EVPL: variants seen among roughly 807,000 people sequenced by gnomAD.
EVPL encodes the protein 210 kDa cornified envelope precursor protein.
A neutral mutation model predicts 129.7 loss-of-function variants in EVPL; 94 were observed. That is an observed-to-expected ratio of 0.72 (90% CI 0.61 to 0.86). The LOEUF is 0.86. Ranked by LOEUF, EVPL falls within the 40% of genes least tolerant of loss-of-function variation. The pLI, the probability that EVPL is intolerant of heterozygous loss-of-function variation, is 0.00. For missense variants in EVPL, 2,625 were observed against 2,721.1 expected, an observed-to-expected ratio of 0.96 and a Z score of 0.79; for synonymous variants, 1,172 against 1,191.1, an observed-to-expected ratio of 0.98 and a Z score of 0.33.
At position 76,015,011 on chromosome 17, in the gene EVPL, G is replaced by A; in HGVS notation, c.2127C>T (p.Asn709=). ...GCAGGTCTTGGCAGAACTCCTGGAA[G>A]TTGTTCTGCAGGGCAGCGCATGCGT... ...SEHACAALQN[N]FQEFCQDLPR... Residue 709 remains asparagine, a synonymous_variant, in exon 17 of 22, where the codon AAC becomes AAT. Transcript: ENST00000301607. 1 of 1,596,534 alleles carries A rather than the reference G, an allele frequency of 6.3e-7. No individual in the cohort carries two copies. The highest frequency in any genetic ancestry group is 8.5e-7 in the Non-Finnish European group (1 of 1,176,896).
intron 1 of EVPL, among the ~76,000 whole-genome samples, chr17:76,026,104 G>A (rs1235921298): frequency 6.6e-6 from 1 of 152,052 alleles, no homozygotes; most frequent in African/African-American, 2.4e-5. Flanking sequence ...ACTACATCCA[G>A]ATAATTTTTG....
Position 76,008,405 on chromosome 17 carries a change from C to T in EVPL, c.4800G>A (p.Arg1600=). 6.3e-7 allele frequency: 1 copy of T among 1,594,152 alleles called. No individual in the cohort carries two copies. Among genetic ancestry groups the T allele is most frequent in the Non-Finnish European group, 8.5e-7 (1 of 1,176,096 alleles). The change falls in exon 22 of 22, where the codon CGG becomes CGA. Residue 1600 remains arginine (R), a synonymous_variant. Transcript: ENST00000301607. This position sits in a 1 kb window ranked among gnomAD's most constrained non-coding sequence, Gnocchi z 7.4. The part of the protein sequence containing the change: ...QECGRLQQEL[R]ALERQKQQQT... ...GCTGCTGCTTCTGCCTCTCCAGAGC[C>T]CGCAGCTCCTGCTGCAGCCGCCCAC...
In EVPL at chr17:76,008,590, C is replaced by T. The variant is rs147437042; in HGVS notation, c.4615G>A (p.Val1539Met). The T allele has an allele frequency of 6.8e-6, 11 of 1,611,224 alleles. No homozygotes were observed. Among genetic ancestry groups the T allele is most frequent in the South Asian group, 1.1e-5 (1 of 91,094 alleles). ...DRVLEDERAR[V>M]WEMLNRERTA... ...CGCTCCCTGTTGAGCATCTCCCACA[C>T]GCGGGCCCGCTCATCTTCCAGGACG... is the stretch of plus-strand genomic sequence containing the variant. Residue 1539 changes from valine to methionine, a missense_variant, in exon 22 of 22, where the codon GTG becomes ATG. Physicochemically the swap from Val to Met is conservative, Grantham distance 21. Coordinates refer to ENST00000301607, the MANE Select transcript of EVPL (RefSeq NM_001988.4). The surrounding 1 kb of genome is among the most constrained non-coding windows in gnomAD (Gnocchi z 7.4).
chr17:76,024,935 C>A lies in EVPL; in HGVS notation c.99-815G>T, dbSNP rs948112181. 1.3e-5 allele frequency among the ~76,000 whole-genome samples: 2 copies of A among 152,172 alleles called. No homozygotes were observed. The highest frequency in any genetic ancestry group is 2.9e-5 in the Non-Finnish European group (2 of 68,022). The stretch of plus-strand genomic sequence containing the variant: ...GGCAGATTGGTCCAAGCCTTATGAG[C>A]ACAGTGCCTTATGGGGGATCATTAT... On this transcript the variant is annotated intron_variant, in intron 1 of 21. Transcript: ENST00000301607. This position sits in a 1 kb window ranked among gnomAD's most constrained non-coding sequence, Gnocchi z 4.5.
In EVPL at chr17:76,022,298, G is replaced by A. The variant is rs1598244525; in HGVS notation, c.607-71C>T. The A allele has an allele frequency of 6.3e-7, 1 of 1,585,954 alleles. No homozygotes were observed. The highest frequency in any genetic ancestry group is 8.6e-7 in the Non-Finnish European group (1 of 1,169,218). ...AGGGAGACGGCCCCCTAAGATCTGG[G>A]CCAGCCATACCCCACCCACCCCTAT... is the stretch of plus-strand genomic sequence containing the variant. On this transcript the variant is annotated intron_variant, in intron 5 of 21. Coordinates refer to ENST00000301607, the MANE Select transcript of EVPL (RefSeq NM_001988.4). This position sits in a 1 kb window ranked among gnomAD's most constrained non-coding sequence, Gnocchi z 5.6.
intron 21 of EVPL, among the ~76,000 whole-genome samples, chr17:76,010,859 G>A (rs568980311): frequency 3.3e-5 from 5 of 152,196 alleles, no homozygotes; most frequent in Admixed American, 1.3e-4. Flanking sequence ...TCAGGAGTTC[G>A]AGACCAGCCT....
chr17:76,014,672 C>T, intron 17 of EVPL, 96 bp from the exon 18 acceptor site: 1 of 1,516,562 alleles, frequency 6.6e-7, no homozygotes, highest in Non-Finnish European at 8.9e-7. Context: ...CTCCTGGGGG[C>T]AGGTCAGGAG....
In EVPL at chr17:76,016,299, G is replaced by A. The variant is rs890982629; in HGVS notation, c.1711-671C>T. ...GACCATCAGGTCCCCTGGCCCTGTC[G>A]CTCCAGCCAAAGCCCTGGCTCTGCC... On this transcript the variant is annotated intron_variant, in intron 14 of 21. Coordinates refer to ENST00000301607, the MANE Select transcript of EVPL (RefSeq NM_001988.4). Among the ~76,000 whole-genome samples the A allele has an allele frequency of 7.2e-5, 11 of 152,186 alleles. 1 individual carries two copies. The East Asian group carries it at 1.2e-3, about 16-fold the overall frequency.
intron 16 of EVPL, 58 bp from the exon 17 acceptor site, chr17:76,015,167 C>A (rs2066409261): frequency 3.9e-6 from 6 of 1,556,146 alleles, no homozygotes. Context: ...GCCGTGTCCA[C>A]CCACCCGCCC....
chr17:76,012,211 G>A, intron 18 of EVPL, 122 bp from the exon 19 acceptor site: 2 of 684,906 alleles, frequency 2.9e-6, no homozygotes, highest in South Asian at 1.8e-5. Flanking sequence ...GAAAGGGCAG[G>A]GAGGGAGACC....
intron 18 of EVPL, among the ~76,000 whole-genome samples, chr17:76,012,680 C>T (rs146097591): frequency 6.6e-6 from 1 of 151,902 alleles, no homozygotes; most frequent in East Asian, 1.9e-4. Context: ...GCATGCAGGG[C>T]CCACCTGCAC....
In EVPL at chr17:76,017,769, C is replaced by T. The variant is rs752772971; in HGVS notation, c.1680G>A (p.Glu560=). 5 of 1,613,034 alleles carry T rather than the reference C, an allele frequency of 3.1e-6. No individual in the cohort carries two copies. Among genetic ancestry groups the T allele is most frequent in the Admixed American group, 1.7e-5 (1 of 60,012 alleles). The part of the protein sequence containing the change: ...RAPLSRPTPL[E]DLEGRIHSHE... ...GGCTGTGGATGCGGCCCTCCAAGTCCTCCAAGGGTGTGGGGCGGCTCAGCG... is the reference window on the plus strand; with the variant it reads ...GGCTGTGGATGCGGCCCTCCAAGTCTTCCAAGGGTGTGGGGCGGCTCAGCG... The change falls in exon 14 of 22, where the codon GAG becomes GAA. Residue 560 remains glutamate (E), a synonymous_variant. Transcript: ENST00000301607.
chr17:76,008,615 G>A lies in EVPL; in HGVS notation c.4590C>T (p.Arg1530=), dbSNP rs572601816. The change falls in exon 22 of 22, where the codon CGC becomes CGT. Residue 1530 remains arginine (R), a synonymous_variant. Transcript: ENST00000301607. The surrounding 1 kb of genome is among the most constrained non-coding windows in gnomAD (Gnocchi z 7.4). ...CGCGGGCCCGCTCATCTTCCAGGACGCGGTCCTTCTGCACCCGGATCACTT... is the reference window on the plus strand; with the variant it reads ...CGCGGGCCCGCTCATCTTCCAGGACACGGTCCTTCTGCACCCGGATCACTT... The part of the protein sequence containing the change: ...YKEVIRVQKD[R]VLEDERARVW... 20 of 1,612,048 alleles carry A rather than the reference G, an allele frequency of 1.2e-5. No individual in the cohort carries two copies. In the African/African-American group the frequency reaches 1.6e-4, roughly 13 times the overall value.
intron 14 of EVPL, among the ~76,000 whole-genome samples, chr17:76,017,213 A>C (rs1306078929): frequency 6.6e-6 from 1 of 152,194 alleles, no homozygotes; most frequent in Non-Finnish European, 1.5e-5. Flanking sequence ...ACTTTGTCTC[A>C]AGAAAAGAAA....
At position 76,009,226 on chromosome 17, in the gene EVPL, C is replaced by A; in HGVS notation, c.3979G>T (p.Glu1327Ter). 1 of 1,608,548 alleles carries A rather than the reference C, an allele frequency of 6.2e-7. No homozygotes were observed. The highest frequency in any genetic ancestry group is 8.5e-7 in the Non-Finnish European group (1 of 1,179,914). Reference sequence around the variant, plus strand: ...TGGCGGAGCCGCTCTGCTTCTTTCTCCAGCACCGGGTCCTTCTCGTGGCGC... The same window carrying A: ...TGGCGGAGCCGCTCTGCTTCTTTCTACAGCACCGGGTCCTTCTCGTGGCGC... The part of the protein sequence containing the change: ...VVRHEKDPVL[E>*]KEAERLRQEV... The change falls in exon 22 of 22, where the codon GAG becomes TAG. Residue 1327 changes from glutamate (E) to a stop codon, truncating the protein, a stop_gained. Transcript: ENST00000301607. LOFTEE classifies it low-confidence loss of function (END_TRUNC). The surrounding 1 kb of genome is among the most constrained non-coding windows in gnomAD (Gnocchi z 5.9).
chr17:76,023,183 C>G, intron 4 of EVPL, 109 bp downstream of exon 4: 7 of 1,550,170 alleles, frequency 4.5e-6, no homozygotes, highest in Non-Finnish European at 6.1e-6. Context: ...GCCCAGACCC[C>G]TGAGCCACCC....
chr17:76,018,239 C>T lies in EVPL; in HGVS notation c.1459G>A (p.Ala487Thr). 6.5e-7 allele frequency: 1 copy of T among 1,548,202 alleles called. No homozygotes were observed. The highest frequency in any genetic ancestry group is 1.2e-5 in the South Asian group (1 of 83,884). ...ACTGTGGCCAATTTCTGCTTCAGGG[C>T]CTGCAGCTCTGAGGCCAGCCTAGAA... ...RASRLASELQ[A>T]LKQKLATVQS... The change falls in exon 13 of 22, where the codon GCC becomes ACC. Residue 487 changes from alanine (A) to threonine (T), a missense_variant. Around this residue, in one of 4 missense-constraint regions of EVPL, gnomAD observed 1,024 missense variants for 997.5 expected, o/e 1.03. Coordinates refer to ENST00000301607, the MANE Select transcript of EVPL (RefSeq NM_001988.4).
Position 76,015,588 on chromosome 17 carries a change from T to C in EVPL, c.1751A>G (p.Glu584Gly). The C allele has an allele frequency of 1.2e-6, 2 of 1,613,566 alleles. No individual in the cohort carries two copies. The highest frequency in any genetic ancestry group is 2.2e-5 in the East Asian group (1 of 44,886). The change falls in exon 15 of 22, where the codon GAG (glutamate) becomes GGG (glycine). Residue 584 changes from glutamate to glycine, a missense_variant. By Grantham distance (98) the Glu-to-Gly change is moderately conservative. Transcript: ENST00000301607. ...QRLQSLGTEK[E>G]TAQKECEAFL... The stretch of plus-strand genomic sequence containing the variant: ...CGCCTCGCACTCCTTCTGGGCTGTC[T>C]CCTTCTCCGTTCCCAGGCTCTGCAG...
At position 76,008,990 on chromosome 17, in the gene EVPL, T is replaced by C. The variant is rs369264756; in HGVS notation, c.4215A>G (p.Leu1405=). The change falls in exon 22 of 22, where the codon CTA becomes CTG. Residue 1405 remains leucine (L), a synonymous_variant. Transcript: ENST00000301607. This position sits in a 1 kb window ranked among gnomAD's most constrained non-coding sequence, Gnocchi z 7.4. ...LDEEVGRRRQ[L]ELEVQQLRAG... ...CCCGCAGCTGCTGCACCTCAAGCTCTAGCTGGCGCCGCCGGCCCACCTCCT... is the reference window on the plus strand; with the variant it reads ...CCCGCAGCTGCTGCACCTCAAGCTCCAGCTGGCGCCGCCGGCCCACCTCCT... The C allele has an allele frequency of 1.7e-4, 270 of 1,611,864 alleles. 1 individual carries two copies. Among genetic ancestry groups the C allele is most frequent in the Admixed American group, 4.2e-4 (25 of 59,978 alleles).
Sources: gnomAD v4.1 joint callset for allele counts (sites outside exome capture counted in the v4.1 genomes callset) on GRCh38, gnomAD v4.1.1 for gene constraint, gnomAD v4.1.1 regional missense constraint, Gnocchi (gnomAD v3.1) non-coding constraint, MANE v1.5 for transcripts, NCBI Gene and HGNC (gene_info 2026-07-23, HGNC 2026-07-21) for gene names.